Variants in UNK observed in about 807,000 individuals in gnomAD.
UNK encodes RING finger protein unkempt homolog.
A neutral mutation model predicts 97.6 loss-of-function variants in UNK; 32 were observed. The observed-to-expected ratio is 0.33, with a 90% CI of 0.25 to 0.44. The LOEUF is 0.44. UNK is among the 20% of genes least tolerant of loss of function. The pLI is 1.00. For missense variants in UNK, 771 were observed against 1,098.4 expected (o/e 0.70, Z 4.21); for synonymous variants, 441 against 461.2 (o/e 0.96, Z 0.56).
chr17:75,805,119 TG>T (rs1206005576), intron 1 of UNK, among the ~76,000 whole-genome samples: 1 of 150,226 alleles, frequency 6.7e-6, no homozygotes, highest in Non-Finnish European at 1.5e-5. Flanking sequence ...AGGCAGAGCT[TG>T]CAGTGAGCTG....
chr17:75,806,475 G>A lies in UNK; in HGVS notation c.105-3285G>A, dbSNP rs576387819. ...GAGACTCCGTCTCAAAAAAAAAAAA[G>A]CAAGAGTTAAATTTTGGGCCGGGCG... On this transcript the variant is annotated intron_variant, in intron 1 of 15. Transcript: ENST00000589666. Among the ~76,000 whole-genome samples the A allele has an allele frequency of 9.8e-3, 1,297 of 132,894 alleles. 10 individuals carry two copies. The highest frequency in any genetic ancestry group is 0.045 in the Middle Eastern group (7 of 154). The allele number at this position is 132,894 out of a possible 152,430, so 87.2% of individuals were successfully genotyped here.
At chr17:75,785,531 T>G (rs1220629717) in intron 1 of UNK, 1 of 152,734 alleles carries the variant, frequency 6.5e-6, no homozygotes, top group Non-Finnish European at 1.5e-5. Context: ...TGGAAACGTG[T>G]CCGTGCGTGC....
intron 1 of UNK, among the ~76,000 whole-genome samples, chr17:75,801,942 G>A (rs1483006847): frequency 1.3e-5 from 2 of 151,248 alleles, no homozygotes; most frequent in Admixed American, 1.3e-4. Flanking sequence ...CAACTTCCCT[G>A]GTTCAAGTGA....
chr17:75,824,466 T>C lies in UNK; in HGVS notation c.*49T>C, dbSNP rs1018889330. On this transcript the variant is annotated 3_prime_UTR_variant, in exon 16 of 16. Coordinates refer to ENST00000589666, the MANE Select transcript of UNK (RefSeq NM_001080419.3). The surrounding 1 kb of genome is among the most constrained non-coding windows in gnomAD (Gnocchi z 4.9). ...GCCCAGATCTTCTCACCTAGGACTT[T>C]TTAAAGTATATATATATATATGAAT... 165 of 1,290,632 alleles carry C rather than the reference T, an allele frequency of 1.3e-4. No individual in the cohort carries two copies. Among genetic ancestry groups the C allele is most frequent in the Non-Finnish European group, 1.6e-4 (158 of 1,004,216 alleles). 79.9% of individuals were successfully genotyped at this position (1,290,632 alleles called of 1,614,324 possible).
At chr17:75,796,558 C>A (rs997592244) in intron 1 of UNK, among the ~76,000 whole-genome samples, 1 of 152,084 alleles carries the variant, frequency 6.6e-6, no homozygotes, top group Non-Finnish European at 1.5e-5. Context: ...AACTTCTGGC[C>A]TCAAGCAGTC....
At chr17:75,813,904 G>C in intron 6 of UNK, 26 bp downstream of exon 6, 1 of 1,539,700 alleles carries the variant, frequency 6.5e-7, no homozygotes, top group Non-Finnish European at 8.8e-7. Context: ...GGGTGGGGGG[G>C]TGGCTTTGGG....
intron 15 of UNK, among the ~76,000 whole-genome samples, chr17:75,823,872 C>G (rs1026886678): frequency 3.9e-5 from 6 of 152,248 alleles, no homozygotes. Flanking sequence ...CCCCTGCCTT[C>G]CCAGGTCTCC....
At chr17:75,812,673 G>C in intron 4 of UNK, 88 bp downstream of exon 4, 1 of 1,519,622 alleles carries the variant, frequency 6.6e-7, no homozygotes, top group Non-Finnish European at 8.8e-7. Context: ...CCTACTGCCT[G>C]CTCTAGCCGA....
In UNK at chr17:75,812,581, G is replaced by A; in HGVS notation, c.618G>A (p.Trp206Ter). The change falls in exon 4 of 16, where the codon TGG becomes TGA. Residue 206 changes from tryptophan (W) to a stop codon, truncating the protein, a stop_gained. Coordinates refer to ENST00000589666, the MANE Select transcript of UNK (RefSeq NM_001080419.3). LOFTEE classifies it high-confidence loss of function. ...AGATCCTCAGCGAGGAGCCTCGGTGGCAAGGTACAGGCATCCACACCTCGG... is the reference window on the plus strand; with the variant it reads ...AGATCCTCAGCGAGGAGCCTCGGTGACAAGGTACAGGCATCCACACCTCGG... ...IEKILSEEPR[W>*]QETAYVLGNY... 6.2e-7 allele frequency: 1 copy of A among 1,612,834 alleles called. No homozygotes were observed. Among genetic ancestry groups the A allele is most frequent in the Non-Finnish European group, 8.5e-7 (1 of 1,179,724 alleles).
rs375372870 is a variant in UNK, at chr17:75,812,498, G to A, written c.535G>A (p.Val179Ile). 2.5e-6 allele frequency: 4 copies of A among 1,612,480 alleles called. No individual in the cohort carries two copies. Among genetic ancestry groups the A allele is most frequent in the Middle Eastern group, 1.9e-4 (1 of 5,174 alleles). The change falls in exon 4 of 16, where the codon GTA becomes ATA. Residue 179 changes from valine (V) to isoleucine (I), a missense_variant. Val to Ile is a conservative substitution (Grantham distance 29). This residue lies in a region of UNK where 246 missense variants were observed against 440.7 expected (regional missense o/e 0.56). Coordinates refer to ENST00000589666, the MANE Select transcript of UNK (RefSeq NM_001080419.3). ...GGCCTTGCAGAATGGCCAGACCACG[G>A]TAGAGGGGAGCATAGAGGGCCAGTC... ...MEALQNGQTT[V>I]EGSIEGQSAG...
chr17:75,820,416 T>C, intron 13 of UNK, among the ~76,000 whole-genome samples: 1 of 152,216 alleles, frequency 6.6e-6, no homozygotes, highest in Non-Finnish European at 1.5e-5. Context: ...AGCAGGGGTC[T>C]CAGTTGCCAG....
At chr17:75,809,736 C>T (rs1231659107) in intron 1 of UNK, 24 bp from the exon 2 acceptor site, 3 of 1,580,052 alleles carry the variant, frequency 1.9e-6, no homozygotes, top group Non-Finnish European at 2.6e-6. Flanking sequence ...TCCCGGCCTG[C>T]CCCACGCGGG....
chr17:75,810,007 C>T lies in UNK; in HGVS notation c.314+38C>T. 4 of 1,608,846 alleles carry T rather than the reference C, an allele frequency of 2.5e-6. No individual in the cohort carries two copies. The East Asian group carries it at 8.9e-5, about 36-fold the overall frequency. On this transcript the variant is annotated intron_variant, in intron 2 of 15. Coordinates refer to ENST00000589666, the MANE Select transcript of UNK (RefSeq NM_001080419.3). ...GCCTGTCCTCAGAGGAGCCCCGTGTCTCCTTCTGGGTCAGATGCCCTCAGG... is the reference window on the plus strand; with the variant it reads ...GCCTGTCCTCAGAGGAGCCCCGTGTTTCCTTCTGGGTCAGATGCCCTCAGG...
At position 75,816,711 on chromosome 17, in the gene UNK, C is replaced by T; in HGVS notation, c.962-59C>T. The T allele has an allele frequency of 6.5e-7, 1 of 1,537,086 alleles. No individual in the cohort carries two copies. Among genetic ancestry groups the T allele is most frequent in the Non-Finnish European group, 8.7e-7 (1 of 1,145,500 alleles). On this transcript the variant is annotated intron_variant, in intron 7 of 15. Transcript: ENST00000589666. The surrounding 1 kb of genome is among the most constrained non-coding windows in gnomAD (Gnocchi z 4.0). ...GTCTCCTTTGGAAGGGACCCAGGAG[C>T]ATTTTTGGAGGGACAGAGCTGGCTG...
At chr17:75,795,670 A>G (rs1190264084) in intron 1 of UNK, among the ~76,000 whole-genome samples, 1 of 152,106 alleles carries the variant, frequency 6.6e-6, no homozygotes, top group African/African-American at 2.4e-5. Flanking sequence ...TCAAGGTATT[A>G]TATAATTTGG....
chr17:75,788,971 G>A (rs976191585), intron 1 of UNK, among the ~76,000 whole-genome samples: 1 of 152,162 alleles, frequency 6.6e-6, no homozygotes, highest in African/African-American at 2.4e-5. Context: ...TACACTAAAA[G>A]CAAAAAATTA....
chr17:75,791,666 A>T (rs2061765219), intron 1 of UNK: 5 of 906,336 alleles, frequency 5.5e-6, no homozygotes, highest in Non-Finnish European at 6.6e-6. Context: ...CTAAGGGTAG[A>T]TTCTTAAACT....
rs777497746 is a variant in UNK, at chr17:75,819,701, C to G, written c.1564C>G (p.Leu522Val). 11 of 1,613,774 alleles carry G rather than the reference C, an allele frequency of 6.8e-6. No homozygotes were observed. The highest frequency in any genetic ancestry group is 8.5e-6 in the Non-Finnish European group (10 of 1,179,908). The stretch of plus-strand genomic sequence containing the variant: ...GTCCCTAGAGTCTGCTTTGGATGAC[C>G]TGGACCTGAATGAGTTTGGCGTGGC... ...ESVIESALDD[L>V]DLNEFGVAAL... is the part of the protein sequence containing the mutation. Residue 522 changes from leucine to valine, a missense_variant, in exon 12 of 16, where the codon CTG becomes GTG. Leu to Val is a conservative substitution (Grantham distance 32). Around this residue, in one of 5 missense-constraint regions of UNK, gnomAD observed 91 missense variants for 173.1 expected, o/e 0.53. Coordinates refer to ENST00000589666, the MANE Select transcript of UNK (RefSeq NM_001080419.3). This position sits in a 1 kb window ranked among gnomAD's most constrained non-coding sequence, Gnocchi z 5.4.
chr17:75,823,858 G>T (rs1019866689), intron 15 of UNK, among the ~76,000 whole-genome samples: 2 of 152,182 alleles, frequency 1.3e-5, no homozygotes, highest in Non-Finnish European at 2.9e-5. Context: ...GGACCCCAGG[G>T]CTACCCCTGC....
Sources: gnomAD v4.1 joint callset for allele counts (sites outside exome capture counted in the v4.1 genomes callset) on GRCh38, gnomAD v4.1.1 for gene constraint, gnomAD v4.1.1 regional missense constraint, Gnocchi (gnomAD v3.1) non-coding constraint, MANE v1.5 for transcripts, NCBI Gene and HGNC (gene_info 2026-07-23, HGNC 2026-07-21) for gene names.